CFAP20DC: variants seen among roughly 807,000 people sequenced by gnomAD.
CFAP20DC encodes CFAP20 domain containing, also known as protein CFAP20DC.
A neutral mutation model predicts 101.7 loss-of-function variants in CFAP20DC; 84 were observed. The observed-to-expected ratio is 0.83, with a 90% CI of 0.69 to 0.99. The LOEUF (loss-of-function observed/expected upper bound fraction) is 0.99. Among genes scored for constraint, CFAP20DC ranks in the 50% least tolerant of loss-of-function variants. CFAP20DC has a pLI of 0.00. For missense variants in CFAP20DC, 1,007 were observed against 970.3 expected, an observed-to-expected ratio of 1.04 and a Z score of -0.50; for synonymous variants, 359 against 351.2, an observed-to-expected ratio of 1.02 and a Z score of -0.25.
In CFAP20DC at chr3:58,800,042, C is replaced by A. The variant is rs1399736303; in HGVS notation, c.2237+6353G>T. ...AGAGAAGGAACCAGTAGAGATCGAGCAAGGTGCTCAGTGGTGTGAAACACC... is the reference window on the plus strand; with the variant it reads ...AGAGAAGGAACCAGTAGAGATCGAGAAAGGTGCTCAGTGGTGTGAAACACC... On this transcript the variant is annotated intron_variant, in intron 15 of 16. Transcript: ENST00000482387. 2.0e-5 allele frequency among the ~76,000 whole-genome samples: 3 copies of A among 152,110 alleles called. No homozygotes were observed. In the East Asian group the frequency reaches 5.8e-4, roughly 29 times the overall value.
chr3:59,034,688 C>A (rs2094062670), intron 4 of CFAP20DC, among the ~76,000 whole-genome samples: 1 of 152,124 alleles, frequency 6.6e-6, no homozygotes, highest in African/African-American at 2.4e-5. Context: ...TACTCAGATT[C>A]ATAAAGCAAG....
chr3:58,873,668 T>G (rs1049514784), intron 7 of CFAP20DC, among the ~76,000 whole-genome samples: 1 of 151,172 alleles, frequency 6.6e-6, no homozygotes, highest in African/African-American at 2.4e-5. Flanking sequence ...GAAGTCTGGA[T>G]AGTTATGCTG....
rs1397562163 is a variant in CFAP20DC at position 58,870,236 on chromosome 3, T to G, written c.789A>C (p.Gly263=). The G allele has an allele frequency of 6.2e-7, 1 of 1,614,136 alleles. No homozygotes were observed. The highest frequency in any genetic ancestry group is 1.3e-5 in the African/African-American group (1 of 75,042). The change falls in exon 8 of 17, where the codon GGA becomes GGC. Residue 263 remains glycine (G), a synonymous_variant. Coordinates refer to ENST00000482387, the MANE Select transcript of CFAP20DC (RefSeq NM_001394063.1). ...GTGGAGGTGGCCCAAGAACTTTGGA[T>G]CCAAATGCGATATGACAAACATCTT... The part of the protein sequence containing the change: ...KNQDVCHIAF[G]SKVLGPPPLS...
At chr3:59,009,489 T>G (rs1039993634) in intron 4 of CFAP20DC, among the ~76,000 whole-genome samples, 18 of 135,234 alleles carry the variant, frequency 1.3e-4, no homozygotes, top group Non-Finnish European at 2.7e-4. Context: ...TCACAACTTC[T>G]GGAATGAAAG....
chr3:58,823,770 AG>A (rs1479225676), intron 14 of CFAP20DC, among the ~76,000 whole-genome samples: 1 of 152,164 alleles, frequency 6.6e-6, no homozygotes, highest in Non-Finnish European at 1.5e-5. Flanking sequence ...TGTTTGTGGC[AG>A]GAAAAAAAAG....
In CFAP20DC at chr3:58,754,303, G is replaced by A. The variant is rs866478465; in HGVS notation, c.2238-440C>T. On this transcript the variant is annotated intron_variant, in intron 15 of 16. Coordinates refer to ENST00000482387, the MANE Select transcript of CFAP20DC (RefSeq NM_001394063.1). ...CTGAAGTCAGTCTTGGAGCTGCCAT[G>A]GACCCCAGCAGTGGTGGGAGTCAGT... 2.3e-4 allele frequency among the ~76,000 whole-genome samples: 35 copies of A among 152,294 alleles called. No homozygotes were observed. The Middle Eastern group carries it at 0.01, about 44-fold the overall frequency.
chr3:58,736,235 AAAGTTTT>A (rs1272105694), intron 3 of CFAP20DC, among the ~76,000 whole-genome samples: 16 of 152,178 alleles, frequency 1.1e-4, no homozygotes, highest in Non-Finnish European at 2.2e-4. Context: ...TTTGGCCAAA[AAAGTTTT>A]AAAGGAAAAA....
chr3:58,992,860 C>T (rs2092987458), intron 4 of CFAP20DC, among the ~76,000 whole-genome samples: 1 of 151,874 alleles, frequency 6.6e-6, no homozygotes, highest in South Asian at 2.1e-4. Context: ...AAGGGGAAAG[C>T]TTATTTTAAA....
intron 16 of CFAP20DC, among the ~76,000 whole-genome samples, chr3:58,743,643 G>A (rs1414366409): frequency 1.3e-5 from 2 of 152,158 alleles, no homozygotes; most frequent in Non-Finnish European, 2.9e-5. Flanking sequence ...CATAATAGAG[G>A]TGCAATAAAA....
At position 59,007,200 on chromosome 3, in the gene CFAP20DC, G is replaced by T. The variant is rs1375502985; in HGVS notation, c.278+32357C>A. On this transcript the variant is annotated intron_variant, in intron 4 of 16. Coordinates refer to ENST00000482387, the MANE Select transcript of CFAP20DC (RefSeq NM_001394063.1). The surrounding 1 kb of genome is among the most constrained non-coding windows in gnomAD (Gnocchi z 4.4). ...GGCTGTGGCAAGCCCCGCCCCAGGA[G>T]AGTCTGAGCTCATACTCACCTAATC... Among the ~76,000 whole-genome samples, 2 of 152,062 alleles carry T rather than the reference G, an allele frequency of 1.3e-5. No homozygotes were observed. Among genetic ancestry groups the T allele is most frequent in the Non-Finnish European group, 2.9e-5 (2 of 68,010 alleles).
At chr3:58,872,360 C>A (rs973865911) in intron 7 of CFAP20DC, among the ~76,000 whole-genome samples, 1 of 150,356 alleles carries the variant, frequency 6.7e-6, no homozygotes, top group Non-Finnish European at 1.5e-5. Context: ...GGATTAAAAA[C>A]CACTCCTATG....
At chr3:58,901,741 T>G (rs1209690567) in intron 6 of CFAP20DC, among the ~76,000 whole-genome samples, 2 of 152,158 alleles carry the variant, frequency 1.3e-5, no homozygotes, top group Non-Finnish European at 2.9e-5. Context: ...AGAGCTTTTT[T>G]AAAAAAATGC....
chr3:58,756,922 C>T (rs149552466), intron 15 of CFAP20DC, among the ~76,000 whole-genome samples: 2 of 152,162 alleles, frequency 1.3e-5, no homozygotes, highest in East Asian at 1.9e-4. Flanking sequence ...CAGCATAATA[C>T]GTTACCCTAT....
In CFAP20DC at chr3:58,971,059, C is replaced by A. The variant is rs2091919151; in HGVS notation, c.279-33297G>T. Among the ~76,000 whole-genome samples the A allele has an allele frequency of 6.6e-6, 1 of 152,178 alleles. No homozygotes were observed. Among genetic ancestry groups the A allele is most frequent in the African/African-American group, 2.4e-5 (1 of 41,444 alleles). On this transcript the variant is annotated intron_variant, in intron 4 of 16. Coordinates refer to ENST00000482387, the MANE Select transcript of CFAP20DC (RefSeq NM_001394063.1). The surrounding 1 kb of genome is among the most constrained non-coding windows in gnomAD (Gnocchi z 4.1). ...CATACACTTTGCCATAAATTGACAA[C>A]AAATTCACCCTTCATTTTAGGAGAT...
chr3:58,808,167 C>G (rs2074272982), intron 14 of CFAP20DC, among the ~76,000 whole-genome samples: 1 of 152,138 alleles, frequency 6.6e-6, no homozygotes, highest in Non-Finnish European at 1.5e-5. Context: ...AGAACTTCCC[C>G]AATCTAGCAA....
chr3:58,855,909 G>A (rs2078753986), intron 12 of CFAP20DC, among the ~76,000 whole-genome samples: 4 of 150,226 alleles, frequency 2.7e-5, no homozygotes, highest in South Asian at 4.3e-4. Context: ...TGGGTGCAGC[G>A]CACCAGCATG....
chr3:59,026,630 G>T (rs997736044), intron 4 of CFAP20DC, among the ~76,000 whole-genome samples: 5 of 152,114 alleles, frequency 3.3e-5, no homozygotes, highest in Admixed American at 2.0e-4. Flanking sequence ...GGCTGAGGAA[G>T]ACCGATGACA....
In CFAP20DC at chr3:58,868,556, A is replaced by G. The variant is rs1027439158; in HGVS notation, c.1016-620T>C. On this transcript the variant is annotated intron_variant, in intron 9 of 16. Transcript: ENST00000482387. The surrounding 1 kb of genome is among the most constrained non-coding windows in gnomAD (Gnocchi z 4.6). ...TAGTGCCAGTAGTAATGCCATTCCC[A>G]TTTTACAGAGGAGAAAACTAAGGTT... Among the ~76,000 whole-genome samples, 1 of 152,084 alleles carries G rather than the reference A, an allele frequency of 6.6e-6. No individual in the cohort carries two copies. The highest frequency in any genetic ancestry group is 1.5e-5 in the Non-Finnish European group (1 of 67,980).
intron 5 of CFAP20DC, among the ~76,000 whole-genome samples, chr3:58,917,715 A>T (rs1196977355): frequency 6.6e-6 from 1 of 152,204 alleles, no homozygotes; most frequent in East Asian, 1.9e-4. Context: ...TATTGTGTTT[A>T]ATAAGTGGTA....
Sources: gnomAD v4.1 joint callset for allele counts (sites outside exome capture counted in the v4.1 genomes callset) on GRCh38, gnomAD v4.1.1 for gene constraint, Gnocchi (gnomAD v3.1) non-coding constraint, MANE v1.5 for transcripts, NCBI Gene and HGNC (gene_info 2026-07-23, HGNC 2026-07-21) for gene names.